Variants in SHC3 observed in about 807,000 individuals in gnomAD.
SHC3 encodes SHC adaptor protein 3, also known as SHC-transforming protein 3.
Under a neutral mutation model 60.4 loss-of-function variants are expected in SHC3, and 15 were observed. That is an observed-to-expected ratio of 0.25 (90% CI 0.17 to 0.38). The LOEUF is 0.38. SHC3 is among the 10% of genes least tolerant of loss of function. SHC3 has a pLI of 1.00. For missense variants in SHC3, 677 were observed against 786.1 expected (o/e 0.86, Z 1.66); for synonymous variants, 294 against 325.9 (o/e 0.90, Z 1.05).
chr9:89,057,603 C>T (rs987350086), intron 6 of SHC3, among the ~76,000 whole-genome samples: 61 of 152,046 alleles, frequency 4.0e-4, no homozygotes, highest in African/African-American at 1.4e-3. Flanking sequence ...AGGTACATAG[C>T]CTAGGGAAAT....
chr9:89,090,103 C>T (rs995829273), intron 2 of SHC3, among the ~76,000 whole-genome samples: 1 of 152,176 alleles, frequency 6.6e-6, no homozygotes, highest in Non-Finnish European at 1.5e-5. Context: ...ATTTCTATGA[C>T]AGTAGGAGAT....
chr9:89,068,433 TTG>T (rs1825217171), intron 5 of SHC3, among the ~76,000 whole-genome samples: 1 of 152,202 alleles, frequency 6.6e-6, no homozygotes, highest in Non-Finnish European at 1.5e-5. Context: ...GAATATAGAA[TTG>T]TCAGCTTTAT....
chr9:89,027,914 C>A (rs577302048), intron 11 of SHC3, among the ~76,000 whole-genome samples: 74 of 152,334 alleles, frequency 4.9e-4, no homozygotes, highest in African/African-American at 1.7e-3. Context: ...AAAGACCACT[C>A]CTCAGTAACT....
At chr9:89,164,905 C>A (rs1218673317) in intron 1 of SHC3, among the ~76,000 whole-genome samples, 1 of 152,124 alleles carries the variant, frequency 6.6e-6, no homozygotes, top group East Asian at 1.9e-4. Flanking sequence ...CTCAAAACCC[C>A]AGCCAAGGCA....
At chr9:89,120,986 A>G (rs1365224671) in intron 1 of SHC3, among the ~76,000 whole-genome samples, 1 of 152,106 alleles carries the variant, frequency 6.6e-6, no homozygotes, top group African/African-American at 2.4e-5. Context: ...AAACCACTGA[A>G]CACTTCACAG....
Position 89,006,756 on chromosome 9 carries a change from G to A in SHC3, c.*6691C>T, listed in dbSNP as rs1228092709. ...TTAATTTTACAATATTCTGGAACAA[G>A]TTATATTCAAAAGTCAAATGAACAG... On this transcript the variant is annotated 3_prime_UTR_variant, in exon 12 of 12. Transcript: ENST00000375835. The A allele has an allele frequency of 2.6e-4, 40 of 152,194 alleles. No homozygotes were observed. Among genetic ancestry groups the A allele is most frequent in the Non-Finnish European group, 1.0e-4 (7 of 68,042 alleles). The allele number at this position is 152,194 out of a possible 1,614,324, so 9.4% of individuals were successfully genotyped here.
chr9:89,113,895 C>G (rs1825985928), intron 1 of SHC3, among the ~76,000 whole-genome samples: 1 of 152,184 alleles, frequency 6.6e-6, no homozygotes, highest in South Asian at 2.1e-4. Context: ...AGGCTACCAT[C>G]AACATTGCAG....
rs1156980225 is a variant in SHC3, at chr9:89,046,989, T to C, written c.968A>G (p.Gln323Arg). The change falls in exon 8 of 12, where the codon CAG becomes CGG. Residue 323 changes from glutamine (Q) to arginine (R), a missense_variant. Physicochemically the swap from Gln to Arg is conservative, Grantham distance 43. Transcript: ENST00000375835. Reference protein sequence around the residue: ...TKIPALHDRMQSLDEPWTEEE... With the variant: ...TKIPALHDRMRSLDEPWTEEE... ...TTCCGTCCATGGCTCATCCAGACTCTGCATTCTGTTAAAGGAAGATTTCCA... is the reference window on the plus strand; with the variant it reads ...TTCCGTCCATGGCTCATCCAGACTCCGCATTCTGTTAAAGGAAGATTTCCA... The C allele has an allele frequency of 6.3e-7, 1 of 1,577,890 alleles. No individual in the cohort carries two copies. The highest frequency in any genetic ancestry group is 8.6e-7 in the Non-Finnish European group (1 of 1,164,550).
At chr9:89,169,207 C>T (rs578111847) in intron 1 of SHC3, among the ~76,000 whole-genome samples, 7 of 152,296 alleles carry the variant, frequency 4.6e-5, no homozygotes, top group Admixed American at 1.3e-4. Context: ...GGAAGAGGCC[C>T]TGCCGGACAC....
At chr9:89,154,448 C>A (rs887330844) in intron 1 of SHC3, among the ~76,000 whole-genome samples, 8 of 152,090 alleles carry the variant, frequency 5.3e-5, no homozygotes, top group African/African-American at 1.7e-4. Context: ...GAGGGGATGC[C>A]CCACGGTGTT....
chr9:89,151,892 A>G (rs966200084), intron 1 of SHC3, among the ~76,000 whole-genome samples: 2 of 152,180 alleles, frequency 1.3e-5, no homozygotes, highest in Non-Finnish European at 2.9e-5. Flanking sequence ...CTTTTTCTGC[A>G]ATTAGCATGT....
chr9:89,092,487 G>C, intron 2 of SHC3, among the ~76,000 whole-genome samples: 1 of 151,584 alleles, frequency 6.6e-6, no homozygotes, highest in East Asian at 1.9e-4. Context: ...CGTGGTGGCG[G>C]GCACCTGTAG....
chr9:89,174,337 A>G (rs1587771432), intron 1 of SHC3, among the ~76,000 whole-genome samples: 2 of 152,228 alleles, frequency 1.3e-5, no homozygotes, highest in African/African-American at 2.4e-5. Flanking sequence ...AAAGGGAAGC[A>G]TATCAGGAAG....
chr9:89,114,237 A>G (rs1825990961), intron 1 of SHC3, among the ~76,000 whole-genome samples: 1 of 152,196 alleles, frequency 6.6e-6, no homozygotes, highest in African/African-American at 2.4e-5. Context: ...CACTACCACT[A>G]TCATTGTGGA....
chr9:89,053,219 C>T (rs1433822088), intron 6 of SHC3, among the ~76,000 whole-genome samples: 2 of 152,140 alleles, frequency 1.3e-5, no homozygotes, highest in Non-Finnish European at 2.9e-5. Flanking sequence ...TTCATCACAC[C>T]CCACCATTCT....
intron 5 of SHC3, among the ~76,000 whole-genome samples, chr9:89,068,263 A>T (rs1161538481): frequency 6.6e-6 from 1 of 152,186 alleles, no homozygotes; most frequent in Non-Finnish European, 1.5e-5. Context: ...AACACTGCTA[A>T]TTACAGTAGA....
intron 2 of SHC3, among the ~76,000 whole-genome samples, chr9:89,111,327 T>A (rs1321846448): frequency 6.6e-6 from 1 of 152,192 alleles, no homozygotes; most frequent in Admixed American, 6.5e-5. Context: ...ATTCCTCCAG[T>A]CACTGGCACA....
intron 2 of SHC3, among the ~76,000 whole-genome samples, chr9:89,096,925 G>C (rs1825710924): frequency 6.6e-6 from 1 of 152,148 alleles, no homozygotes; most frequent in Non-Finnish European, 1.5e-5. Flanking sequence ...AAAAGTACCA[G>C]AGAGAATGTG....
At chr9:89,084,221 T>C (rs1825491823) in intron 2 of SHC3, among the ~76,000 whole-genome samples, 1 of 152,218 alleles carries the variant, frequency 6.6e-6, no homozygotes, top group Non-Finnish European at 1.5e-5. Flanking sequence ...ACCTGTGCCA[T>C]TATAATCCCA....
Sources: gnomAD v4.1 joint callset for allele counts (sites outside exome capture counted in the v4.1 genomes callset) on GRCh38, gnomAD v4.1.1 for gene constraint, MANE v1.5 for transcripts, NCBI Gene and HGNC (gene_info 2026-07-23, HGNC 2026-07-21) for gene names.